CFAP36: variants seen among roughly 807,000 people sequenced by gnomAD.
CFAP36 encodes the protein cilia and flagella associated protein 36.
CFAP36 carries 37 observed loss-of-function variants against 50.5 expected under a neutral mutation model. That is an observed-to-expected ratio of 0.73 (90% CI 0.56 to 0.96). The LOEUF (loss-of-function observed/expected upper bound fraction) is 0.96, where lower values mean the gene tolerates loss of function less well. CFAP36 is among the 50% of genes least tolerant of loss of function. The pLI is 0.00. For synonymous variants in CFAP36, 138 were observed against 128.2 expected (o/e 1.08, Z -0.52); for missense variants, 407 against 396.2 (o/e 1.03, Z -0.23).
intron 7 of CFAP36, among the ~76,000 whole-genome samples, chr2:55,543,199 T>C (rs1684685357): frequency 6.6e-6 from 1 of 152,168 alleles, no homozygotes; most frequent in South Asian, 2.1e-4. Flanking sequence ...CAGTGTGCTT[T>C]CTTTCATAGC....
Position 55,523,835 on chromosome 2 carries a change from T to C in CFAP36, c.282+13T>C, listed in dbSNP as rs1433273900. 5.8e-6 allele frequency: 9 copies of C among 1,549,976 alleles called. No homozygotes were observed. The highest frequency in any genetic ancestry group is 7.9e-6 in the Non-Finnish European group (9 of 1,134,004). ...CCATACATCACAGGTTTTTGCTTTGTGTTATTCTGCTAACATACAGTTTTA... is the reference window on the plus strand; with the variant it reads ...CCATACATCACAGGTTTTTGCTTTGCGTTATTCTGCTAACATACAGTTTTA... On this transcript the variant is annotated intron_variant, in intron 3 of 9. Transcript: ENST00000349456.
chr2:55,539,043 GC>G, intron 7 of CFAP36: 3 of 689,594 alleles, frequency 4.4e-6, no homozygotes, highest in Non-Finnish European at 6.0e-6. Flanking sequence ...CCTAGTACAT[GC>G]CTAGCCTCTC....
At chr2:55,521,986 G>A (rs1684080577) in intron 1 of CFAP36, 116 bp from the exon 2 acceptor site, 1 of 582,642 alleles carries the variant, frequency 1.7e-6, no homozygotes, top group Admixed American at 3.3e-5. Flanking sequence ...TAAACCCTAA[G>A]AATTCAAAGC....
intron 1 of CFAP36, among the ~76,000 whole-genome samples, chr2:55,521,393 C>A (rs1490453247): frequency 6.6e-6 from 1 of 151,850 alleles, no homozygotes; most frequent in African/African-American, 2.4e-5. Context: ...ACATTTACAT[C>A]AGCAAAATTC....
chr2:55,541,304 A>C (rs994023154), intron 7 of CFAP36, among the ~76,000 whole-genome samples: 14 of 152,244 alleles, frequency 9.2e-5, no homozygotes, highest in Admixed American at 2.6e-4. Context: ...AGCCTGGGCA[A>C]CAAGAGCGAA....
chr2:55,532,696 T>TA (rs1684384819), intron 4 of CFAP36, among the ~76,000 whole-genome samples: 1 of 152,172 alleles, frequency 6.6e-6, no homozygotes, highest in South Asian at 2.1e-4. Flanking sequence ...ACATTTAATT[T>TA]AAAAAAATGT....
At chr2:55,537,161 G>A (rs912770324) in intron 6 of CFAP36, among the ~76,000 whole-genome samples, 20 of 152,156 alleles carry the variant, frequency 1.3e-4, no homozygotes, top group South Asian at 1.2e-3. Context: ...TGGATCACTT[G>A]AGGCCAGGAA....
intron 1 of CFAP36, chr2:55,520,472 T>C (rs1684032775): frequency 6.5e-7 from 1 of 1,548,050 alleles, no homozygotes; most frequent in Admixed American, 2.0e-5. Context: ...TGGCCTGTGT[T>C]CCCCTTGGTG....
chr2:55,519,841 G>A lies in CFAP36; in HGVS notation c.40G>A (p.Glu14Lys), dbSNP rs750485058. Residue 14 changes from glutamate (E) to lysine (K), a missense_variant, in exon 1 of 10, where the codon GAG (glutamate) becomes AAG (lysine). Transcript: ENST00000349456. The stretch of plus-strand genomic sequence containing the variant: ...AGAAGACGAGGTGGAGTGGGTAGTG[G>A]AGAGCATCGCGGGGTTCCTGCGAGG... ...EEEDEVEWVVESIAGFLRGPD... is the reference protein window; with the variant it reads ...EEEDEVEWVVKSIAGFLRGPD... 3.7e-6 allele frequency: 6 copies of A among 1,614,124 alleles called. No homozygotes were observed. The highest frequency in any genetic ancestry group is 3.3e-5 in the Admixed American group (2 of 60,014).
At chr2:55,522,464 C>T (rs922113535) in intron 2 of CFAP36, among the ~76,000 whole-genome samples, 36 of 152,166 alleles carry the variant, frequency 2.4e-4, no homozygotes, top group South Asian at 2.1e-4. Context: ...TTATTCACTT[C>T]GTCATGGTTG....
At chr2:55,541,532 G>T (rs1265416141) in intron 7 of CFAP36, among the ~76,000 whole-genome samples, 1 of 152,090 alleles carries the variant, frequency 6.6e-6, no homozygotes, top group Non-Finnish European at 1.5e-5. Flanking sequence ...TGGTATAAAG[G>T]AAAGTGATAA....
intron 1 of CFAP36, 26 bp downstream of exon 1, chr2:55,519,942 A>T: frequency 6.2e-7 from 1 of 1,603,748 alleles, no homozygotes; most frequent in Non-Finnish European, 8.5e-7. Flanking sequence ...CGAACCGACA[A>T]TCCTTTTCTC....
At chr2:55,538,702 CA>C in intron 7 of CFAP36, 1 of 1,410,078 alleles carries the variant, frequency 7.1e-7, no homozygotes, top group Non-Finnish European at 9.6e-7. Context: ...CTCAGCCTCC[CA>C]AAGCACTAGG....
chr2:55,538,870 AGTTT>A (rs1684562192), intron 7 of CFAP36: 1 of 1,489,308 alleles, frequency 6.7e-7, no homozygotes, highest in Non-Finnish European at 8.9e-7. Flanking sequence ...TCTAAACCTT[AGTTT>A]AGAAGAACTT....
intron 3 of CFAP36, among the ~76,000 whole-genome samples, chr2:55,524,978 TA>T (rs776871161): frequency 5.2e-4 from 65 of 125,426 alleles, no homozygotes; most frequent in South Asian, 1.0e-3. Context: ...CAAAACTGTC[TA>T]AAAAAAAAAA....
intron 7 of CFAP36, chr2:55,538,823 A>T (rs1481993931): frequency 1.9e-6 from 3 of 1,540,242 alleles, no homozygotes; most frequent in African/African-American, 2.8e-5. Context: ...TGGTGAAATT[A>T]TGACTTACCT....
intron 5 of CFAP36, 143 bp downstream of exon 5, chr2:55,534,103 C>T: frequency 2.0e-6 from 1 of 498,664 alleles, no homozygotes; most frequent in East Asian, 3.1e-5. Context: ...CAATTTATGA[C>T]TGTGGATATA....
chr2:55,521,959 T>C (rs1241939229), intron 1 of CFAP36, 143 bp from the exon 2 acceptor site: 1 of 513,956 alleles, frequency 1.9e-6, no homozygotes, highest in East Asian at 3.4e-5. Flanking sequence ...TATATTCATT[T>C]ATATATTTTT....
chr2:55,530,952 G>C (rs1213023669), intron 4 of CFAP36: 1 of 152,198 alleles, frequency 6.6e-6, no homozygotes, highest in African/African-American at 2.4e-5. Context: ...GCAAACATGA[G>C]AATTTTGCAT....
Sources: gnomAD v4.1 joint callset for allele counts (sites outside exome capture counted in the v4.1 genomes callset) on GRCh38, gnomAD v4.1.1 for gene constraint, MANE v1.5 for transcripts, NCBI Gene and HGNC (gene_info 2026-07-23, HGNC 2026-07-21) for gene names.